The following HCN1 variants were observed in gnomAD, a reference collection of about 807,000 sequenced individuals.
HCN1 encodes the protein potassium/sodium hyperpolarization-activated cyclic nucleotide-gated channel 1.
A neutral mutation model predicts 78.9 loss-of-function variants in HCN1; 13 were observed. The ratio of observed to expected loss-of-function variants is 0.16; its 90% CI spans 0.11 to 0.26. The LOEUF (loss-of-function observed/expected upper bound fraction) is 0.26. HCN1 is among the 10% of genes least tolerant of loss of function. The pLI is 1.00. For missense variants in HCN1, 810 were observed against 1,154.3 expected (o/e 0.70, Z 4.32); for synonymous variants, 552 against 455.5 (o/e 1.21, Z -2.70).
chr5:45,262,689 T>G lies in HCN1; in HGVS notation c.1905A>C (p.Ala635=), dbSNP rs1442338309. ...TTTGAGGATAATTGATGGGAGCGAT[T>G]GCCTGCACCATCTCCCTGTCATGTT... ...IVKHDREMVQ[A]IAPINYPQMT... The change falls in exon 8 of 8, where the codon GCA becomes GCC. Residue 635 remains alanine, a synonymous_variant. Coordinates refer to ENST00000303230, the MANE Select transcript of HCN1 (RefSeq NM_021072.4). 1 of 1,614,134 alleles carries G rather than the reference T, an allele frequency of 6.2e-7. No individual in the cohort carries two copies. Among genetic ancestry groups the G allele is most frequent in the Admixed American group, 1.7e-5 (1 of 60,008 alleles).
chr5:45,558,440 A>T (rs939469279), intron 2 of HCN1: 30 of 152,194 alleles, frequency 2.0e-4, no homozygotes, highest in African/African-American at 6.8e-4. Context: ...TATCCAAAAG[A>T]TCTAGCTAAG....
intron 2 of HCN1, among the ~76,000 whole-genome samples, chr5:45,568,199 C>T (rs762653114): frequency 2.6e-5 from 4 of 151,920 alleles, no homozygotes; most frequent in Non-Finnish European, 5.9e-5. Context: ...GCAAATGTTA[C>T]GATCATCAGA....
intron 5 of HCN1, among the ~76,000 whole-genome samples, chr5:45,338,949 T>C (rs982879392): frequency 6.6e-6 from 1 of 152,184 alleles, no homozygotes; most frequent in African/African-American, 2.4e-5. Flanking sequence ...AACTTATGTA[T>C]AGCATTAAAC....
At chr5:45,271,477 TAGTCTC>T (rs1744960365) in intron 6 of HCN1, among the ~76,000 whole-genome samples, 1 of 152,006 alleles carries the variant, frequency 6.6e-6, no homozygotes, top group Non-Finnish European at 1.5e-5. Flanking sequence ...AGTCCTGTGT[TAGTCTC>T]AGTCAACTTG....
At chr5:45,606,429 T>C (rs1325975027) in intron 2 of HCN1, among the ~76,000 whole-genome samples, 2 of 151,994 alleles carry the variant, frequency 1.3e-5, no homozygotes, top group Non-Finnish European at 2.9e-5. Flanking sequence ...GGCTGGCATT[T>C]ATCCTGAGGA....
rs184069571 is a variant in HCN1, at chr5:45,352,601, G to A, written c.1377+499C>T. On this transcript the variant is annotated intron_variant, in intron 5 of 7. Transcript: ENST00000303230. ...GTCCAGGAGTGATCTGAATATTCTA[G>A]TGGGAAGAAGGCAGATTTCTAGGGA... is the stretch of plus-strand genomic sequence containing the variant. Among the ~76,000 whole-genome samples the A allele has an allele frequency of 1.8e-4, 27 of 152,138 alleles. 1 individual carries two copies. The highest frequency in any genetic ancestry group is 6.0e-4 in the African/African-American group (25 of 41,530).
At chr5:45,277,753 G>C (rs1178793726) in intron 6 of HCN1, among the ~76,000 whole-genome samples, 1 of 152,120 alleles carries the variant, frequency 6.6e-6, no homozygotes, top group African/African-American at 2.4e-5. Flanking sequence ...CTATAACTCA[G>C]GTAGCAGCCC....
At chr5:45,620,656 C>CA (rs1186204743) in intron 2 of HCN1, among the ~76,000 whole-genome samples, 2 of 150,972 alleles carry the variant, frequency 1.3e-5, no homozygotes, top group African/African-American at 2.5e-5. Context: ...AACATAAATA[C>CA]AAAAAATGAC....
intron 2 of HCN1, among the ~76,000 whole-genome samples, chr5:45,593,139 T>C (rs1744408728): frequency 6.6e-6 from 1 of 152,190 alleles, no homozygotes; most frequent in Admixed American, 6.5e-5. Context: ...CTATATTCTG[T>C]ACATACCTTT....
At chr5:45,608,935 CA>C (rs535131824) in intron 2 of HCN1, among the ~76,000 whole-genome samples, 7 of 151,900 alleles carry the variant, frequency 4.6e-5, no homozygotes, top group Non-Finnish European at 1.0e-4. Flanking sequence ...AAAAAAATGG[CA>C]AAAGACATTT....
At chr5:45,383,412 G>A (rs1056408516) in intron 4 of HCN1, among the ~76,000 whole-genome samples, 13 of 152,058 alleles carry the variant, frequency 8.5e-5, no homozygotes, top group African/African-American at 3.1e-4. Context: ...ATTCCATGAG[G>A]AGGCTGGGCA....
intron 5 of HCN1, among the ~76,000 whole-genome samples, chr5:45,314,893 G>A (rs1397614666): frequency 6.6e-6 from 1 of 152,092 alleles, no homozygotes; most frequent in Non-Finnish European, 1.5e-5. Flanking sequence ...ACCCAATACA[G>A]GAGCATCCAG....
Position 45,301,691 on chromosome 5 carries a change from A to G in HCN1, c.1618+1908T>C, listed in dbSNP as rs1745624428. Among the ~76,000 whole-genome samples the G allele has an allele frequency of 1.3e-5, 2 of 150,470 alleles. 1 individual carries two copies. Among genetic ancestry groups the G allele is most frequent in the Admixed American group, 1.3e-4 (2 of 15,036 alleles). On this transcript the variant is annotated intron_variant, in intron 6 of 7. Coordinates refer to ENST00000303230, the MANE Select transcript of HCN1 (RefSeq NM_021072.4). ...AGCCATAATCATGCCAGTGCACTTC[A>G]GCCTAGGTGACAGAGAGATACCCTG...
At chr5:45,582,505 C>A (rs1041220069) in intron 2 of HCN1, among the ~76,000 whole-genome samples, 4 of 152,100 alleles carry the variant, frequency 2.6e-5, no homozygotes, top group Non-Finnish European at 4.4e-5. Flanking sequence ...AATTGAATAC[C>A]CTTTATTTCC....
At chr5:45,395,828 C>G (rs964051138) in intron 4 of HCN1, among the ~76,000 whole-genome samples, 7 of 151,540 alleles carry the variant, frequency 4.6e-5, no homozygotes, top group Non-Finnish European at 1.0e-4. Flanking sequence ...TTAGCCCTAG[C>G]CAAAGAAATT....
At chr5:45,503,087 A>G (rs183782527) in intron 2 of HCN1, among the ~76,000 whole-genome samples, 93 of 152,318 alleles carry the variant, frequency 6.1e-4, no homozygotes, top group African/African-American at 2.0e-3. Context: ...TAGGATAACA[A>G]AGTATTTTAT....
chr5:45,451,796 C>G (rs1170246382), intron 3 of HCN1, among the ~76,000 whole-genome samples: 1 of 151,884 alleles, frequency 6.6e-6, no homozygotes, highest in East Asian at 1.9e-4. Flanking sequence ...TCAATTATAT[C>G]CACATTTGGT....
chr5:45,348,184 A>C (rs1746792218), intron 5 of HCN1, among the ~76,000 whole-genome samples: 1 of 152,218 alleles, frequency 6.6e-6, no homozygotes, highest in Admixed American at 6.5e-5. Flanking sequence ...AAACTCTACA[A>C]GCCAGAAGAG....
At position 45,297,855 on chromosome 5, in the gene HCN1, A is replaced by C. The variant is rs1014908518; in HGVS notation, c.1618+5744T>G. On this transcript the variant is annotated intron_variant, in intron 6 of 7. Transcript: ENST00000303230. Reference sequence around the variant, plus strand: ...ACATTGACAGACTAGAGAAGAAAAAACATAGGATCACAGACTTGGCATAGA... The same window carrying C: ...ACATTGACAGACTAGAGAAGAAAAACCATAGGATCACAGACTTGGCATAGA... 9.9e-5 allele frequency among the ~76,000 whole-genome samples: 15 copies of C among 152,072 alleles called. 1 individual carries two copies. The highest frequency in any genetic ancestry group is 3.6e-4 in the African/African-American group (15 of 41,450).
Sources: allele counts gnomAD v4.1 joint callset (sites outside exome capture counted in the v4.1 genomes callset), GRCh38; gene constraint gnomAD v4.1.1; transcripts MANE v1.5; gene names NCBI Gene and HGNC (gene_info 2026-07-23, HGNC 2026-07-21).